PLCL2: variants seen among roughly 807,000 people sequenced by gnomAD.
PLCL2 encodes inactive phospholipase C-like protein 2.
A neutral mutation model predicts 79.6 loss-of-function variants in PLCL2; 4 were observed. The ratio of observed to expected loss-of-function variants is 0.05; its 90% CI spans 0.02 to 0.11. The LOEUF (loss-of-function observed/expected upper bound fraction) is 0.11, where lower values mean the gene tolerates loss of function less well. Ranked by LOEUF, PLCL2 falls within the 10% of genes least tolerant of loss-of-function variation. The pLI is 1.00. For missense variants in PLCL2, 895 were observed against 1,291.0 expected (o/e 0.69, Z 4.70); for synonymous variants, 484 against 457.7 (o/e 1.06, Z -0.73).
intron 1 of PLCL2, among the ~76,000 whole-genome samples, chr3:16,906,133 AC>A (rs1005931092): frequency 3.9e-5 from 6 of 152,186 alleles, no homozygotes; most frequent in African/African-American, 1.2e-4. Flanking sequence ...ATATATTAAA[AC>A]GTTTTATCTG....
chr3:16,947,804 G>C (rs1490844243), intron 1 of PLCL2, among the ~76,000 whole-genome samples: 1 of 152,112 alleles, frequency 6.6e-6, no homozygotes, highest in African/African-American at 2.4e-5. Flanking sequence ...TGCTGGTTGA[G>C]AGTATTTCTC....
intron 4 of PLCL2, among the ~76,000 whole-genome samples, chr3:17,052,971 G>A (rs1405098253): frequency 6.6e-6 from 1 of 152,074 alleles, no homozygotes; most frequent in Non-Finnish European, 1.5e-5. Context: ...AACTTTTTGG[G>A]GAGTCAAAAG....
intron 1 of PLCL2, among the ~76,000 whole-genome samples, chr3:16,904,787 G>A (rs7643997): frequency 0.046 from 6,959 of 152,126 alleles, 495 homozygotes; most frequent in African/African-American, 0.16. Flanking sequence ...GATAGTGAGT[G>A]AGTTCTCATG....
At chr3:16,975,372 T>G (rs1425452977) in intron 1 of PLCL2, among the ~76,000 whole-genome samples, 1 of 152,212 alleles carries the variant, frequency 6.6e-6, no homozygotes, top group East Asian at 1.9e-4. Context: ...TTCAGGCCAT[T>G]GCTCTTTTAG....
intron 1 of PLCL2, among the ~76,000 whole-genome samples, chr3:16,893,724 TGTG>T (rs1488988255): frequency 1.3e-5 from 2 of 152,246 alleles, no homozygotes; most frequent in Admixed American, 6.5e-5. Context: ...TAGAACAAGA[TGTG>T]GTCTTCTAGA....
intron 5 of PLCL2, 59 bp from the exon 6 acceptor site, chr3:17,089,674 G>T: frequency 1.0e-6 from 1 of 958,522 alleles, no homozygotes; most frequent in Non-Finnish European, 1.6e-6. Context: ...AGATATTGTT[G>T]AAGTATAACA....
At chr3:16,969,635 C>A (rs1160372819) in intron 1 of PLCL2, among the ~76,000 whole-genome samples, 2 of 151,634 alleles carry the variant, frequency 1.3e-5, no homozygotes, top group Non-Finnish European at 2.9e-5. Flanking sequence ...TCTCTTTTTT[C>A]TTCTCTATTA....
intron 1 of PLCL2, among the ~76,000 whole-genome samples, chr3:16,955,131 G>T (rs13080782): frequency 6.6e-6 from 1 of 152,130 alleles, no homozygotes; most frequent in East Asian, 1.9e-4. Context: ...TAATGCCTAG[G>T]TTTTCTTCTA....
intron 1 of PLCL2, among the ~76,000 whole-genome samples, chr3:16,920,816 A>C (rs1697108391): frequency 6.6e-6 from 1 of 152,240 alleles, no homozygotes; most frequent in African/African-American, 2.4e-5. Flanking sequence ...GAATACAAGA[A>C]AACAGTTTGA....
At chr3:17,000,502 A>G (rs143305286) in intron 1 of PLCL2, among the ~76,000 whole-genome samples, 44 of 152,246 alleles carry the variant, frequency 2.9e-4, no homozygotes, top group African/African-American at 1.0e-3. Flanking sequence ...TAATGACTAT[A>G]GTCAACCTAC....
At chr3:16,994,591 C>T (rs1366286624) in intron 1 of PLCL2, among the ~76,000 whole-genome samples, 1 of 152,170 alleles carries the variant, frequency 6.6e-6, no homozygotes, top group Non-Finnish European at 1.5e-5. Context: ...AGTGGATTTA[C>T]AGCAATGCAT....
intron 1 of PLCL2, among the ~76,000 whole-genome samples, chr3:16,991,798 G>A (rs1559510627): frequency 6.6e-6 from 1 of 152,024 alleles, no homozygotes; most frequent in African/African-American, 2.4e-5. Flanking sequence ...ATTTATAATT[G>A]GAATAAAACA....
At chr3:17,089,164 C>T (rs2065249693) in intron 5 of PLCL2, among the ~76,000 whole-genome samples, 1 of 152,056 alleles carries the variant, frequency 6.6e-6, no homozygotes, top group South Asian at 2.1e-4. Context: ...AGTGCTGTGC[C>T]TTGGTTGCCA....
At chr3:16,905,139 A>G (rs1306299056) in intron 1 of PLCL2, among the ~76,000 whole-genome samples, 1 of 152,194 alleles carries the variant, frequency 6.6e-6, no homozygotes, top group African/African-American at 2.4e-5. Context: ...TGTGGACTGA[A>G]TCCTCTCCTT....
intron 1 of PLCL2, among the ~76,000 whole-genome samples, chr3:16,965,110 A>G (rs1241142809): frequency 2.6e-5 from 4 of 152,054 alleles, no homozygotes; most frequent in African/African-American, 7.2e-5. Flanking sequence ...CTATGTCCTG[A>G]ATGGTATTGC....
intron 4 of PLCL2, among the ~76,000 whole-genome samples, chr3:17,064,947 A>AG (rs1264479307): frequency 1.3e-5 from 2 of 151,188 alleles, no homozygotes; most frequent in Non-Finnish European, 2.9e-5. Flanking sequence ...AAAAAAAAAA[A>AG]GACATGTTTA....
intron 1 of PLCL2, among the ~76,000 whole-genome samples, chr3:16,971,328 C>T (rs2063866013): frequency 6.6e-6 from 1 of 152,076 alleles, no homozygotes; most frequent in African/African-American, 2.4e-5. Flanking sequence ...GAATCCTTTC[C>T]CCATTGCTTG....
At position 17,012,783 on chromosome 3, in the gene PLCL2, C is replaced by T. The variant is rs372970945; in HGVS notation, c.2814+623C>T. On this transcript the variant is annotated intron_variant, in intron 2 of 5. Transcript: ENST00000615277. ...AGGAATTACATATTTAATTAAGGAT[C>T]GCCCACACATCTAGCCATACGCTAG... Among the ~76,000 whole-genome samples the T allele has an allele frequency of 5.9e-5, 9 of 152,248 alleles. 1 individual carries two copies. The highest frequency in any genetic ancestry group is 4.8e-5 in the African/African-American group (2 of 41,540).
At chr3:16,894,930 G>A (rs146684471) in intron 1 of PLCL2, among the ~76,000 whole-genome samples, 55 of 151,638 alleles carry the variant, frequency 3.6e-4, no homozygotes, top group African/African-American at 1.2e-3. Flanking sequence ...AAAGGATATC[G>A]CTTAGATTTT....
Sources: allele counts gnomAD v4.1 joint callset (sites outside exome capture counted in the v4.1 genomes callset), GRCh38; gene constraint gnomAD v4.1.1; transcripts MANE v1.5; gene names NCBI Gene and HGNC (gene_info 2026-07-23, HGNC 2026-07-21).